GABRG3: variants seen among roughly 807,000 people sequenced by gnomAD.
The protein encoded by GABRG3 is gamma-aminobutyric acid receptor subunit gamma-3.
In GABRG3, 25 loss-of-function variants were observed where a neutral mutation model predicts 48.8. That is an observed-to-expected ratio of 0.51 (90% CI 0.37 to 0.72). GABRG3 has a LOEUF of 0.72. Ranked by LOEUF, GABRG3 falls within the 30% of genes least tolerant of loss-of-function variation. The pLI is 0.00. For missense variants in GABRG3, 394 were observed against 577.9 expected (o/e 0.68, Z 3.26); for synonymous variants, 227 against 217.6 (o/e 1.04, Z -0.38).
At chr15:27,401,555 C>A (rs1211536048) in intron 5 of GABRG3, among the ~76,000 whole-genome samples, 1 of 152,174 alleles carries the variant, frequency 6.6e-6, no homozygotes, top group Admixed American at 6.5e-5. Flanking sequence ...AAATTTCTCC[C>A]TCTCTTGCAG....
intron 3 of GABRG3, among the ~76,000 whole-genome samples, chr15:27,244,324 G>A (rs961338233): frequency 1.6e-4 from 25 of 152,174 alleles, no homozygotes; most frequent in African/African-American, 5.3e-4. Flanking sequence ...GAGGGCAGAG[G>A]TCCCAGGAGA....
chr15:27,124,670 A>T (rs1897788084), intron 3 of GABRG3, among the ~76,000 whole-genome samples: 1 of 152,124 alleles, frequency 6.6e-6, no homozygotes, highest in Non-Finnish European at 1.5e-5. Context: ...TAACAGCTCT[A>T]CCAGGGAAGC....
Position 27,265,881 on chromosome 15 carries a change from G to GTT in GABRG3, c.271-60928_271-60927insTT, listed in dbSNP as rs147459440. Among the ~76,000 whole-genome samples, 584 of 124,844 alleles carry GTT rather than the reference G, an allele frequency of 4.7e-3. 25 individuals are homozygous for GTT. The South Asian group carries it at 0.057, about 12-fold the overall frequency. 81.9% of individuals were successfully genotyped at this position (124,844 alleles called of 152,430 possible). ...TGCAAGGTCAAGAAGATTTTCTCCT[G>GTT]GTTTTTTTTTTTTTTTGAGAGTGAC... On this transcript the variant is annotated intron_variant, in intron 3 of 9. Coordinates refer to ENST00000615808, the MANE Select transcript of GABRG3 (RefSeq NM_033223.5).
chr15:27,202,691 A>G (rs1025125165), intron 3 of GABRG3, among the ~76,000 whole-genome samples: 4 of 152,116 alleles, frequency 2.6e-5, no homozygotes, highest in Non-Finnish European at 5.9e-5. Context: ...TTAATTGGTC[A>G]TTTGAGTTCA....
At chr15:27,479,913 A>G (rs1280240316) in intron 5 of GABRG3, among the ~76,000 whole-genome samples, 2 of 152,196 alleles carry the variant, frequency 1.3e-5, no homozygotes, top group Non-Finnish European at 2.9e-5. Flanking sequence ...GAAATGGGGA[A>G]TCCAGGAGTA....
At chr15:27,525,366 A>G (rs886653233) in intron 7 of GABRG3, among the ~76,000 whole-genome samples, 3 of 152,340 alleles carry the variant, frequency 2.0e-5, no homozygotes, top group East Asian at 1.9e-4. Context: ...TACTAGACTC[A>G]GCTGAGATAA....
At chr15:27,032,004 A>T (rs1566914539) in intron 3 of GABRG3, among the ~76,000 whole-genome samples, 2 of 152,160 alleles carry the variant, frequency 1.3e-5, no homozygotes, top group East Asian at 3.8e-4. Context: ...TTTCTTAAAT[A>T]TTGTTTTGGC....
At chr15:26,984,546 T>G (rs1895116331) in intron 2 of GABRG3, among the ~76,000 whole-genome samples, 1 of 152,214 alleles carries the variant, frequency 6.6e-6, no homozygotes, top group South Asian at 2.1e-4. Context: ...TATATCTGTT[T>G]TAGTTCCCTT....
rs571255973 is a variant in GABRG3, at chr15:27,132,906, A to G, written c.270+106085A>G. On this transcript the variant is annotated intron_variant, in intron 3 of 9. Transcript: ENST00000615808. ...TGTAAACTTAGATTATTGATGTGTCATCTTTCTTCTTTTTAATGTAAGCAT... is the reference window on the plus strand; with the variant it reads ...TGTAAACTTAGATTATTGATGTGTCGTCTTTCTTCTTTTTAATGTAAGCAT... 4.0e-5 allele frequency among the ~76,000 whole-genome samples: 6 copies of G among 150,690 alleles called. No individual in the cohort carries two copies. In the South Asian group the frequency reaches 1.3e-3, roughly 32 times the overall value.
intron 6 of GABRG3, among the ~76,000 whole-genome samples, chr15:27,483,837 C>T (rs7162718): frequency 0.15 from 22,478 of 152,184 alleles, 2,332 homozygotes; most frequent in African/African-American, 0.29. Flanking sequence ...GTCTCTCTGC[C>T]GTCTTTATGC....
chr15:27,451,061 G>A (rs1889096873), intron 5 of GABRG3, among the ~76,000 whole-genome samples: 2 of 152,092 alleles, frequency 1.3e-5, no homozygotes, highest in Admixed American at 1.3e-4. Context: ...AATACCCCAT[G>A]TTCATGGATT....
chr15:27,347,646 T>A (rs1894420661), intron 5 of GABRG3, among the ~76,000 whole-genome samples: 1 of 152,320 alleles, frequency 6.6e-6, no homozygotes, highest in Middle Eastern at 3.4e-3. Flanking sequence ...GGATCTTTCT[T>A]GCATTTTCAC....
intron 5 of GABRG3, among the ~76,000 whole-genome samples, chr15:27,375,704 T>C (rs1319024672): frequency 6.6e-6 from 1 of 152,152 alleles, no homozygotes; most frequent in Non-Finnish European, 1.5e-5. Context: ...TGAGACTTAT[T>C]CATGAGAACA....
At chr15:27,183,341 C>T (rs889157050) in intron 3 of GABRG3, among the ~76,000 whole-genome samples, 1 of 152,140 alleles carries the variant, frequency 6.6e-6, no homozygotes, top group African/African-American at 2.4e-5. Flanking sequence ...TTATGTTTAG[C>T]TCCTGGCCAT....
intron 6 of GABRG3, among the ~76,000 whole-genome samples, chr15:27,492,236 C>T (rs1890373873): frequency 6.6e-6 from 1 of 152,184 alleles, no homozygotes; most frequent in Non-Finnish European, 1.5e-5. Context: ...GAATTCATCA[C>T]AGCTCTCTGA....
chr15:27,428,485 G>T (rs1026686154), intron 5 of GABRG3: 2 of 152,208 alleles, frequency 1.3e-5, no homozygotes, highest in Non-Finnish European at 2.9e-5. Flanking sequence ...ATGTGAATTA[G>T]GTGGGCAAGA....
intron 5 of GABRG3, among the ~76,000 whole-genome samples, chr15:27,470,988 C>T (rs1398296957): frequency 6.6e-6 from 1 of 151,838 alleles, no homozygotes; most frequent in East Asian, 1.9e-4. Context: ...TTGCCTGCAT[C>T]CCAGATAGAG....
chr15:27,276,859 C>G (rs1350665173), intron 3 of GABRG3, among the ~76,000 whole-genome samples: 2 of 152,166 alleles, frequency 1.3e-5, no homozygotes, highest in Non-Finnish European at 2.9e-5. Context: ...AGCTATCATT[C>G]CATGCCATTG....
chr15:27,499,174 A>G (rs904316050), intron 6 of GABRG3, among the ~76,000 whole-genome samples: 2 of 152,256 alleles, frequency 1.3e-5, no homozygotes, highest in Non-Finnish European at 2.9e-5. Flanking sequence ...TAGAATGTTC[A>G]GGATTTAATT....
Sources: allele counts gnomAD v4.1 joint callset (sites outside exome capture counted in the v4.1 genomes callset), GRCh38; gene constraint gnomAD v4.1.1; transcripts MANE v1.5; gene names NCBI Gene and HGNC (gene_info 2026-07-23, HGNC 2026-07-21).